Variants in STAG3 observed in about 807,000 individuals in gnomAD.
STAG3 encodes the protein STAG3 cohesin complex component.
In STAG3, 101 loss-of-function variants were observed where a neutral mutation model predicts 160.7. The ratio of observed to expected loss-of-function variants is 0.63; its 90% CI spans 0.54 to 0.74. The LOEUF is 0.74. Ranked by LOEUF, STAG3 falls within the 30% of genes least tolerant of loss-of-function variation. The pLI, the probability that STAG3 is intolerant of heterozygous loss-of-function variation, is 0.00. For missense variants in STAG3, 1,188 were observed against 1,517.4 expected, an observed-to-expected ratio of 0.78 and a Z score of 3.61; for synonymous variants, 519 against 585.0, an observed-to-expected ratio of 0.89 and a Z score of 1.63.
intron 27 of STAG3, 25 bp from the exon 28 acceptor site, chr7:100,204,980 C>T (rs1159944776): frequency 3.1e-6 from 5 of 1,609,736 alleles, no homozygotes; most frequent in Admixed American, 1.7e-5. Flanking sequence ...AGACTTTCTT[C>T]CTAAAATAAT....
In STAG3 at chr7:100,202,192, T is replaced by C. The variant is rs779769887; in HGVS notation, c.2415T>C (p.Asp805=). 20 of 1,613,788 alleles carry C rather than the reference T, an allele frequency of 1.2e-5. No homozygotes were observed. The South Asian group carries it at 1.6e-4, about 13-fold the overall frequency. The change falls in exon 24 of 34, where the codon GAT becomes GAC. Residue 805 remains aspartate (D), a synonymous_variant. Transcript: ENST00000615138. The stretch of plus-strand genomic sequence containing the variant: ...TACAGGCTTTTGTCTTATTAAGTGA[T>C]CTACTTCTCATCTTTAGCCCTCAGA... ...IQEQAFVLLS[D]LLLIFSPQMI...
chr7:100,192,184 T>C (rs1404107432), intron 8 of STAG3, among the ~76,000 whole-genome samples: 1 of 152,196 alleles, frequency 6.6e-6, no homozygotes, highest in African/African-American at 2.4e-5. Context: ...AATGTTGATA[T>C]TTTGACCTCT....
At chr7:100,183,485 T>A (rs1023434286) in intron 4 of STAG3, among the ~76,000 whole-genome samples, 1 of 152,354 alleles carries the variant, frequency 6.6e-6, no homozygotes, top group Middle Eastern at 3.4e-3. Flanking sequence ...TATACTTAAT[T>A]ATTTTTTCCT....
chr7:100,178,686 A>G (rs963485856), intron 1 of STAG3, among the ~76,000 whole-genome samples: 1 of 150,638 alleles, frequency 6.6e-6, no homozygotes, highest in Non-Finnish European at 1.5e-5. Context: ...TCGCCCTCCC[A>G]AAGTACTGGG....
At chr7:100,191,458 G>A (rs1278669625) in intron 8 of STAG3, among the ~76,000 whole-genome samples, 2 of 152,154 alleles carry the variant, frequency 1.3e-5, no homozygotes, top group Non-Finnish European at 1.5e-5. Context: ...GAAGTACAGT[G>A]AGTCACACAA....
intron 9 of STAG3, among the ~76,000 whole-genome samples, chr7:100,196,589 C>T (rs552478091): frequency 9.0e-4 from 137 of 152,232 alleles, no homozygotes; most frequent in Non-Finnish European, 1.4e-3. Flanking sequence ...GTCAGGAGTT[C>T]GAGACCAGCC....
At position 100,189,461 on chromosome 7, in the gene STAG3, C is replaced by T. The variant is rs1478380566; in HGVS notation, c.732C>T (p.Thr244=). 5 of 1,613,476 alleles carry T rather than the reference C, an allele frequency of 3.1e-6. No individual in the cohort carries two copies. Among genetic ancestry groups the T allele is most frequent in the Non-Finnish European group, 4.2e-6 (5 of 1,179,874 alleles). Residue 244 remains threonine (T), a synonymous_variant, in exon 8 of 34, where the codon ACC becomes ACT. Transcript: ENST00000615138. ...TTCTCAAAGCTATGAAACTGATGAC[C>T]TCCCTGGTAAAAGTTGCCCTCCAAC... The part of the protein sequence containing the change: ...TSTLAAMKLM[T]SLVKVALQLS...
intron 25 of STAG3, 92 bp from the exon 26 acceptor site, chr7:100,203,929 T>C: frequency 3.8e-6 from 3 of 798,754 alleles, no homozygotes; most frequent in Non-Finnish European, 6.5e-6. Context: ...CTAAGGGAGT[T>C]TGGGAGGGAG....
At chr7:100,181,793 C>T (rs535679567) in intron 2 of STAG3, among the ~76,000 whole-genome samples, 3 of 150,444 alleles carry the variant, frequency 2.0e-5, no homozygotes, top group African/African-American at 2.4e-5. Flanking sequence ...CCCAGCTACT[C>T]GGGAGGCTGA....
chr7:100,180,880 G>GTTTTT (rs35965210), intron 2 of STAG3: 17 of 221,874 alleles, frequency 7.7e-5, no homozygotes, highest in Admixed American at 1.8e-4. Flanking sequence ...AGTACATCCT[G>GTTTTT]TTTTTTTTTT....
chr7:100,179,529 A>AT (rs927064036), intron 1 of STAG3, among the ~76,000 whole-genome samples: 50 of 145,902 alleles, frequency 3.4e-4, no homozygotes, highest in South Asian at 8.6e-4. Context: ...CCAGTGTGCA[A>AT]TTTTTTTTTT....
Position 100,207,855 on chromosome 7 carries a change from G to T in STAG3, c.3238+2471G>T, listed in dbSNP as rs1200039358. 1.3e-5 allele frequency among the ~76,000 whole-genome samples: 2 copies of T among 152,126 alleles called. No homozygotes were observed. The highest frequency in any genetic ancestry group is 2.9e-5 in the Non-Finnish European group (2 of 68,024). On this transcript the variant is annotated intron_variant, in intron 29 of 33. Coordinates refer to ENST00000615138, the MANE Select transcript of STAG3 (RefSeq NM_001282717.2). The surrounding 1 kb of genome is among the most constrained non-coding windows in gnomAD (Gnocchi z 4.0). ...GTTTTAGCCGGGCATGGTGGCTCACGCCTGTAATCCCAGCACTTTGGGAGG... is the reference window on the plus strand; with the variant it reads ...GTTTTAGCCGGGCATGGTGGCTCACTCCTGTAATCCCAGCACTTTGGGAGG...
chr7:100,209,900 G>T (rs111283935), intron 29 of STAG3, among the ~76,000 whole-genome samples: 3 of 152,194 alleles, frequency 2.0e-5, no homozygotes, highest in African/African-American at 4.8e-5. Flanking sequence ...AGATAGCTGT[G>T]GGGGAAGGTT....
intron 4 of STAG3, 86 bp downstream of exon 4, chr7:100,182,925 A>C (rs1437109832): frequency 6.8e-7 from 1 of 1,467,408 alleles, no homozygotes; most frequent in Non-Finnish European, 9.6e-7. Context: ...ATTTGACGTG[A>C]ACATTTTAGT....
chr7:100,184,134 C>T (rs1799824724), intron 4 of STAG3, among the ~76,000 whole-genome samples: 1 of 151,922 alleles, frequency 6.6e-6, no homozygotes, highest in East Asian at 1.9e-4. Context: ...CATGTGGTGG[C>T]GTTTGTCTGT....
At chr7:100,187,155 C>A (rs1242096677) in intron 5 of STAG3, among the ~76,000 whole-genome samples, 1 of 152,066 alleles carries the variant, frequency 6.6e-6, no homozygotes, top group Non-Finnish European at 1.5e-5. Flanking sequence ...CCTCAGCCTC[C>A]CAGGTGGCTG....
chr7:100,200,243 C>T lies in STAG3; in HGVS notation c.1685C>T (p.Thr562Ile). The change falls in exon 17 of 34, where the codon ACC becomes ATC. Residue 562 changes from threonine to isoleucine, a missense_variant. Transcript: ENST00000615138. ...AAGTGACTCTCATTCCAGGGCTTAA[C>T]CTCTAAGGAGCGCAAGACCCAAGCC... Reference protein sequence around the residue: ...VGRVTGRKGLTSKERKTQADD... With the variant: ...VGRVTGRKGLISKERKTQADD... 2 of 1,611,714 alleles carry T rather than the reference C, an allele frequency of 1.2e-6. No individual in the cohort carries two copies. The highest frequency in any genetic ancestry group is 1.7e-6 in the Non-Finnish European group (2 of 1,179,572).
Position 100,204,634 on chromosome 7 carries a change from C to T in STAG3, c.2810C>T (p.Thr937Ile). ...CATGTCTCCTGGACACAGCTGTACA[C>T]AGAACTGCTGCAGGAGCATGGGCCC... is the stretch of plus-strand genomic sequence containing the variant. ...ILLLSLKQLY[T>I]ELLQEHGPQG... is the part of the protein sequence containing the mutation. The change falls in exon 27 of 34, where the codon ACA becomes ATA. Residue 937 changes from threonine to isoleucine, a missense_variant. Physicochemically the swap from Thr to Ile is moderately conservative, Grantham distance 89 (BLOSUM62 -1). Around this residue, in one of 4 missense-constraint regions of STAG3, gnomAD observed 647 missense variants for 717.2 expected, o/e 0.90. Transcript: ENST00000615138. 1.9e-6 allele frequency: 3 copies of T among 1,614,104 alleles called. No individual in the cohort carries two copies. The highest frequency in any genetic ancestry group is 2.5e-6 in the Non-Finnish European group (3 of 1,180,000).
intron 30 of STAG3, 103 bp from the exon 31 acceptor site, chr7:100,211,332 A>G: frequency 6.7e-7 from 1 of 1,488,886 alleles, no homozygotes; most frequent in East Asian, 2.3e-5. Context: ...GTTTAGCTTT[A>G]AAATGCATCT....
Sources: allele counts gnomAD v4.1 joint callset (sites outside exome capture counted in the v4.1 genomes callset), GRCh38; gene constraint gnomAD v4.1.1; regional missense constraint gnomAD v4.1.1; non-coding constraint Gnocchi (gnomAD v3.1); transcripts MANE v1.5; gene names NCBI Gene and HGNC (gene_info 2026-07-23, HGNC 2026-07-21).